MEGF10: variants seen among roughly 807,000 people sequenced by gnomAD.
MEGF10 encodes multiple EGF like domains 10.
In MEGF10, 86 loss-of-function variants were observed where a neutral mutation model predicts 147.5. The observed-to-expected ratio is 0.58, with a 90% CI of 0.49 to 0.70. The LOEUF is 0.70. Ranked by LOEUF, MEGF10 falls within the 30% of genes least tolerant of loss-of-function variation. The pLI, the probability that MEGF10 is intolerant of heterozygous loss-of-function variation, is 0.00. For synonymous variants in MEGF10, 478 were observed against 525.5 expected (o/e 0.91, Z 1.24); for missense variants, 1,329 against 1,487.3 (o/e 0.89, Z 1.75).
intron 2 of MEGF10, among the ~76,000 whole-genome samples, chr5:127,333,272 T>C (rs1255121354): frequency 6.6e-6 from 1 of 151,970 alleles, no homozygotes; most frequent in African/African-American, 2.4e-5. Flanking sequence ...TCCCAGCACA[T>C]TGGGAGGCCA....
Position 127,435,384 on chromosome 5 carries a change from A to G in MEGF10, c.1999A>G (p.Lys667Glu), listed in dbSNP as rs1055231382. The G allele has an allele frequency of 3.7e-6, 6 of 1,613,968 alleles. No individual in the cohort carries two copies. The highest frequency in any genetic ancestry group is 1.7e-4 in the Middle Eastern group (1 of 6,060). ...AGTGTGTCCCAGTGGCAGATTTGGGAAAAACTGTGCAGGAATTTGTACCTG... is the reference window on the plus strand; with the variant it reads ...AGTGTGTCCCAGTGGCAGATTTGGGGAAAACTGTGCAGGAATTTGTACCTG... ...NEVCPSGRFG[K>E]NCAGICTCTN... Residue 667 changes from lysine (K) to glutamate (E), a missense_variant, in exon 16 of 25, where the codon AAA (lysine) becomes GAA (glutamate). Physicochemically the swap from Lys to Glu is moderately conservative, Grantham distance 56. Transcript: ENST00000503335.
At chr5:127,343,590 G>A (rs1761765846) in intron 4 of MEGF10, among the ~76,000 whole-genome samples, 1 of 152,070 alleles carries the variant, frequency 6.6e-6, no homozygotes, top group Non-Finnish European at 1.5e-5. Context: ...TCAGAGATCA[G>A]AACACTTCAC....
chr5:127,274,644 C>A, the MEGF10 span, among the ~76,000 whole-genome samples: 1 of 151,504 alleles, frequency 6.6e-6, no homozygotes, highest in Non-Finnish European at 1.5e-5. Context: ...ATGGATTTTG[C>A]CTTTGGTGTC....
chr5:127,377,631 G>A (rs1763082626), intron 5 of MEGF10, among the ~76,000 whole-genome samples: 1 of 152,184 alleles, frequency 6.6e-6, no homozygotes, highest in African/African-American at 2.4e-5. Context: ...AAAGTAATAA[G>A]ATTTTGCCTG....
At chr5:127,279,634 T>C in the MEGF10 span, among the ~76,000 whole-genome samples, 1 of 152,168 alleles carries the variant, frequency 6.6e-6, no homozygotes, top group African/African-American at 2.4e-5. Flanking sequence ...GTCTAATTAC[T>C]GCCTCATTTT....
chr5:127,445,429 C>G (rs1490258146), intron 19 of MEGF10, 28 bp from the exon 20 acceptor site: 1 of 1,560,000 alleles, frequency 6.4e-7, no homozygotes, highest in South Asian at 1.1e-5. Flanking sequence ...CATTGTCATC[C>G]TTTCTCAAGT....
rs1211700926 is a variant in MEGF10, at chr5:127,363,413, T to TA, written c.320-6497_320-6496insA. Among the ~76,000 whole-genome samples the TA allele has an allele frequency of 3.3e-5, 5 of 152,206 alleles. No individual in the cohort carries two copies. The South Asian group carries it at 8.3e-4, about 25-fold the overall frequency. On this transcript the variant is annotated intron_variant, in intron 4 of 24. Transcript: ENST00000503335. ...GTGAAGGGTTCCATGATTCTCTTGG[T>TA]CCTTCCCTCAGAGTTGCCTGGTGCT...
intron 22 of MEGF10, 137 bp downstream of exon 22, chr5:127,449,359 C>A: frequency 8.7e-7 from 1 of 1,150,750 alleles, no homozygotes; most frequent in Non-Finnish European, 1.2e-6. Flanking sequence ...ATGCCTAACA[C>A]CTGTACAGGG....
At chr5:127,371,191 CTGTGTGTGTGTGTGTGTGTG>C (rs10591122) in intron 5 of MEGF10, among the ~76,000 whole-genome samples, 76 of 126,254 alleles carry the variant, frequency 6.0e-4, no homozygotes, top group African/African-American at 1.2e-3. Context: ...GGGACTGGGA[CTGTGTGTGTGTGTGTGTGTG>C]TGTGTGTGTG....
chr5:127,393,746 T>C (rs1038703849), intron 5 of MEGF10, among the ~76,000 whole-genome samples: 1 of 152,234 alleles, frequency 6.6e-6, no homozygotes, highest in Non-Finnish European at 1.5e-5. Context: ...AACCCATTTT[T>C]CTATGCTGAT....
chr5:127,357,631 A>C (rs541891489), intron 4 of MEGF10, among the ~76,000 whole-genome samples: 48 of 148,342 alleles, frequency 3.2e-4, no homozygotes, highest in Admixed American at 2.5e-3. Context: ...AAATAAATAA[A>C]ATTTAAAAAC....
chr5:127,439,667 A>C (rs1402204935), intron 17 of MEGF10, among the ~76,000 whole-genome samples: 1 of 152,168 alleles, frequency 6.6e-6, no homozygotes, highest in East Asian at 1.9e-4. Flanking sequence ...ACCCTTTTTC[A>C]AGTGCAAGTA....
Position 127,340,676 on chromosome 5 carries a change from T to C in MEGF10, c.319+46T>C, listed in dbSNP as rs755367117. 5.9e-6 allele frequency: 9 copies of C among 1,514,198 alleles called. No individual in the cohort carries two copies. The South Asian group carries it at 7.9e-5, about 13-fold the overall frequency. The allele number at this position is 1,514,198 out of a possible 1,614,324, so 93.8% of individuals were successfully genotyped here. On this transcript the variant is annotated intron_variant, in intron 4 of 24. Transcript: ENST00000503335. ...TTTGAGATTCGCTAGTTTTTCCCAG[T>C]GCTGGTTTGCTTCCATTAATAGCAG...
At chr5:127,362,142 T>C (rs903025230) in intron 4 of MEGF10, among the ~76,000 whole-genome samples, 1 of 152,066 alleles carries the variant, frequency 6.6e-6, no homozygotes. Flanking sequence ...ATTGTATCTA[T>C]TTCTCATTGC....
At chr5:127,372,305 T>A (rs1201446467) in intron 5 of MEGF10, among the ~76,000 whole-genome samples, 2 of 152,158 alleles carry the variant, frequency 1.3e-5, no homozygotes, top group Non-Finnish European at 2.9e-5. Flanking sequence ...AAAATACAAA[T>A]TGGTTTTATT....
the MEGF10 span, among the ~76,000 whole-genome samples, chr5:127,247,015 C>A: frequency 4.8e-5 from 1 of 21,036 alleles, no homozygotes; most frequent in Non-Finnish European, 1.1e-4. Flanking sequence ...TATAGACACA[C>A]CATACATACA....
At chr5:127,281,101 T>C in the MEGF10 span, among the ~76,000 whole-genome samples, 810 of 152,296 alleles carry the variant, frequency 5.3e-3, 5 homozygotes, top group Non-Finnish European at 9.2e-3. Context: ...CTCCAGCATC[T>C]GGCATCCAGT....
At chr5:127,377,317 C>T (rs1158484540) in intron 5 of MEGF10, among the ~76,000 whole-genome samples, 6 of 152,200 alleles carry the variant, frequency 3.9e-5, no homozygotes, top group Non-Finnish European at 8.8e-5. Flanking sequence ...AAATCTATTT[C>T]ACCTACAGCT....
At chr5:127,309,494 T>C (rs868703592) in intron 1 of MEGF10, among the ~76,000 whole-genome samples, 1 of 152,338 alleles carries the variant, frequency 6.6e-6, no homozygotes, top group Middle Eastern at 3.4e-3. Flanking sequence ...TTTCTGTCTT[T>C]ATGAATTTGA....
Sources: allele counts gnomAD v4.1 joint callset (sites outside exome capture counted in the v4.1 genomes callset), GRCh38; gene constraint gnomAD v4.1.1; transcripts MANE v1.5; gene names NCBI Gene and HGNC (gene_info 2026-07-23, HGNC 2026-07-21).